LUZP2: variants seen among roughly 807,000 people sequenced by gnomAD.
The protein encoded by LUZP2 is leucine zipper protein 2.
LUZP2 carries 52 observed loss-of-function variants against 51.6 expected under a neutral mutation model. The ratio of observed to expected loss-of-function variants is 1.01; its 90% CI spans 0.81 to 1.27. The LOEUF is 1.27. Ranked by LOEUF, LUZP2 falls within the 50% of genes most tolerant of loss-of-function variation. The probability of loss-of-function intolerance (pLI) is 0.00; values close to 1 mark genes in which losing one functional copy is unlikely to be tolerated. For missense variants in LUZP2, 436 were observed against 395.4 expected (o/e 1.10, Z -0.87); for synonymous variants, 154 against 137.3 (o/e 1.12, Z -0.85).
intron 9 of LUZP2, among the ~76,000 whole-genome samples, chr11:25,028,846 A>G (rs913922337): frequency 5.9e-5 from 9 of 152,136 alleles, no homozygotes; most frequent in Non-Finnish European, 1.0e-4. Flanking sequence ...TCTTGTTCTT[A>G]CACACAGTAT....
In LUZP2 at chr11:24,858,561, C is replaced by A. The variant is rs181670042; in HGVS notation, c.397-47430C>A. On this transcript the variant is annotated intron_variant, in intron 5 of 11. Coordinates refer to ENST00000336930, the MANE Select transcript of LUZP2 (RefSeq NM_001009909.4). ...TTTCTACGGGCATTGAGTCTCTCAGCAGGAGCATTTGGGACAATAAAAGAG... is the reference window on the plus strand; with the variant it reads ...TTTCTACGGGCATTGAGTCTCTCAGAAGGAGCATTTGGGACAATAAAAGAG... Among the ~76,000 whole-genome samples the A allele has an allele frequency of 2.0e-4, 31 of 152,148 alleles. 1 individual carries two copies. The highest frequency in any genetic ancestry group is 6.2e-4 in the South Asian group (3 of 4,808).
chr11:24,742,174 A>G (rs1380138022), intron 4 of LUZP2, among the ~76,000 whole-genome samples: 2 of 150,238 alleles, frequency 1.3e-5, no homozygotes, highest in African/African-American at 4.9e-5. Context: ...GTGTACAAGT[A>G]TCTTTTTCAT....
intron 9 of LUZP2, among the ~76,000 whole-genome samples, chr11:25,019,697 G>T (rs1857273215): frequency 6.6e-6 from 1 of 152,044 alleles, no homozygotes. Context: ...ATTATTGTTT[G>T]CTGAATGAAT....
chr11:24,520,124 A>G (rs1282854403), intron 1 of LUZP2, among the ~76,000 whole-genome samples: 1 of 152,190 alleles, frequency 6.6e-6, no homozygotes, highest in Non-Finnish European at 1.5e-5. Flanking sequence ...AGAATTTTGA[A>G]TGGGAGAATT....
chr11:24,941,560 C>A (rs1565138433), intron 7 of LUZP2, among the ~76,000 whole-genome samples: 1 of 152,126 alleles, frequency 6.6e-6, no homozygotes, highest in Non-Finnish European at 1.5e-5. Context: ...AATATAACAA[C>A]ACTTTCTGCA....
intron 5 of LUZP2, chr11:24,892,833 T>C (rs1197460337): frequency 6.6e-6 from 1 of 152,182 alleles, no homozygotes; most frequent in South Asian, 2.1e-4. Context: ...TTCAAAGAGA[T>C]GACAGGTTAA....
Position 24,767,972 on chromosome 11 carries a change from CTT to C in LUZP2, c.396+4673_396+4674del, listed in dbSNP as rs35024641. ...AAACACCCTTTCTATAGTATCATTT[CTT>C]TTTTTTTTGAATTTTATTTATTTTA... On this transcript the variant is annotated intron_variant, in intron 5 of 11. Coordinates refer to ENST00000336930, the MANE Select transcript of LUZP2 (RefSeq NM_001009909.4). 1.3e-3 allele frequency among the ~76,000 whole-genome samples: 196 copies of C among 150,234 alleles called. 4 individuals are homozygous for C. The highest frequency in any genetic ancestry group is 1.3e-3 in the South Asian group (6 of 4,768).
chr11:24,999,902 T>C (rs1432447399), intron 9 of LUZP2, among the ~76,000 whole-genome samples: 3 of 152,168 alleles, frequency 2.0e-5, no homozygotes, highest in Admixed American at 2.0e-4. Context: ...GCAAGATTTA[T>C]TGTGAAGAGT....
At chr11:24,858,902 C>T (rs1398668891) in intron 5 of LUZP2, among the ~76,000 whole-genome samples, 1 of 152,162 alleles carries the variant, frequency 6.6e-6, no homozygotes, top group Non-Finnish European at 1.5e-5. Context: ...TTTTGAAATC[C>T]AGTGTTCTTC....
intron 1 of LUZP2, among the ~76,000 whole-genome samples, chr11:24,670,398 G>A (rs2134000412): frequency 6.6e-6 from 1 of 152,136 alleles, no homozygotes; most frequent in Admixed American, 6.5e-5. Context: ...ATGAAATAAA[G>A]CTTCAAATAG....
intron 1 of LUZP2, among the ~76,000 whole-genome samples, chr11:24,728,478 G>A (rs1858578724): frequency 6.6e-6 from 1 of 151,908 alleles, no homozygotes; most frequent in Admixed American, 6.6e-5. Flanking sequence ...TTTCTTAACA[G>A]TCACCTGTTT....
At chr11:25,019,859 C>A (rs1371096523) in intron 9 of LUZP2, among the ~76,000 whole-genome samples, 1 of 147,352 alleles carries the variant, frequency 6.8e-6, no homozygotes, top group Non-Finnish European at 1.5e-5. Context: ...GTGTCACATA[C>A]TTTATCTTCT....
At chr11:24,733,190 A>T (rs1858780772) in intron 3 of LUZP2, among the ~76,000 whole-genome samples, 1 of 151,830 alleles carries the variant, frequency 6.6e-6, no homozygotes, top group Non-Finnish European at 1.5e-5. Context: ...CAATTGTTTT[A>T]CATGGACTCT....
intron 7 of LUZP2, among the ~76,000 whole-genome samples, chr11:24,922,769 A>C (rs1160100985): frequency 1.3e-5 from 2 of 150,316 alleles, no homozygotes; most frequent in Non-Finnish European, 3.0e-5. Context: ...ACCAAGACCC[A>C]GAGAAGTTAT....
chr11:24,566,043 C>A (rs1852201446), intron 1 of LUZP2, among the ~76,000 whole-genome samples: 1 of 151,098 alleles, frequency 6.6e-6, no homozygotes, highest in Non-Finnish European at 1.5e-5. Context: ...CAGTTTTTAG[C>A]AACAATAATA....
At chr11:24,669,735 G>A (rs1856340604) in intron 1 of LUZP2, among the ~76,000 whole-genome samples, 2 of 152,112 alleles carry the variant, frequency 1.3e-5, no homozygotes, top group South Asian at 4.1e-4. Flanking sequence ...GAGGAATTGT[G>A]CTTTTGTACT....
intron 1 of LUZP2, among the ~76,000 whole-genome samples, chr11:24,646,085 T>G (rs1026786410): frequency 2.6e-5 from 4 of 152,032 alleles, no homozygotes; most frequent in Non-Finnish European, 5.9e-5. Flanking sequence ...TTATAAAATT[T>G]GAATGTTGAT....
At chr11:25,050,636 GTTCCAT>G (rs1858479708) in intron 10 of LUZP2, among the ~76,000 whole-genome samples, 1 of 152,076 alleles carries the variant, frequency 6.6e-6, no homozygotes, top group African/African-American at 2.4e-5. Context: ...TCAGGTAAGT[GTTCCAT>G]TAAGCATTGC....
At chr11:24,898,628 GA>G (rs71447404) in intron 5 of LUZP2, among the ~76,000 whole-genome samples, 79,719 of 145,576 alleles carry the variant, frequency 0.55, 21,510 homozygotes, top group East Asian at 0.72. Flanking sequence ...GTGTCAGGAA[GA>G]AAAAAAAAAA....
Sources: allele counts gnomAD v4.1 joint callset (sites outside exome capture counted in the v4.1 genomes callset), GRCh38; gene constraint gnomAD v4.1.1; transcripts MANE v1.5; gene names NCBI Gene and HGNC (gene_info 2026-07-23, HGNC 2026-07-21).